The following KAT14 variants were observed in gnomAD, a reference collection of about 807,000 sequenced individuals.
The protein encoded by KAT14 is cysteine-rich protein 2-binding protein.
A neutral mutation model predicts 78.4 loss-of-function variants in KAT14; 66 were observed. The observed-to-expected ratio is 0.84, with a 90% CI of 0.69 to 1.03. The LOEUF (loss-of-function observed/expected upper bound fraction) is 1.03, where lower values mean the gene tolerates loss of function less well. Among genes scored for constraint, KAT14 ranks in the 50% least tolerant of loss-of-function variants. The pLI is 0.00. For synonymous variants in KAT14, 344 were observed against 359.4 expected, an observed-to-expected ratio of 0.96 and a Z score of 0.48; for missense variants, 870 against 972.5, an observed-to-expected ratio of 0.89 and a Z score of 1.40.
intron 5 of KAT14, among the ~76,000 whole-genome samples, chr20:18,159,957 A>T (rs2038358554): frequency 6.6e-6 from 1 of 152,220 alleles, no homozygotes; most frequent in African/African-American, 2.4e-5. Flanking sequence ...TTTGTTGCCC[A>T]GGCTGGAGTG....
chr20:18,161,283 C>T (rs2038411418), intron 5 of KAT14, among the ~76,000 whole-genome samples: 1 of 152,044 alleles, frequency 6.6e-6, no homozygotes, highest in South Asian at 2.1e-4. Flanking sequence ...CCACCACCTC[C>T]CAGGCTCAAA....
chr20:18,182,180 G>A (rs896876703), intron 8 of KAT14, among the ~76,000 whole-genome samples: 11 of 151,428 alleles, frequency 7.3e-5, no homozygotes, highest in Non-Finnish European at 1.3e-4. Flanking sequence ...GGGCTGCAGT[G>A]GTGCAATCTT....
intron 7 of KAT14, 96 bp from the exon 8 acceptor site, chr20:18,181,614 C>T: frequency 6.4e-7 from 1 of 1,553,200 alleles, no homozygotes. Context: ...TGTGATCCGC[C>T]TACCTCAGCT....
Position 18,142,386 on chromosome 20 carries a change from C to G in KAT14, c.-275C>G. ...GAATGTGAAATATCTGTTGGACAGA[C>G]AACACGAGTTTGTGTGTGTGTGTTG... On this transcript the variant is annotated 5_prime_UTR_variant, in exon 2 of 11. Coordinates refer to ENST00000688188, the MANE Select transcript of KAT14 (RefSeq NM_001392073.1). The G allele has an allele frequency of 6.5e-7, 1 of 1,527,694 alleles. No individual in the cohort carries two copies. The highest frequency in any genetic ancestry group is 8.8e-7 in the Non-Finnish European group (1 of 1,140,438). 94.6% of individuals were successfully genotyped at this position (1,527,694 alleles called of 1,614,324 possible). A position where few individuals can be genotyped will look rare whatever the true frequency, so the allele number is the denominator to read the frequency against.
chr20:18,157,438 CTGTT>C (rs913153286), intron 4 of KAT14, among the ~76,000 whole-genome samples: 3 of 152,218 alleles, frequency 2.0e-5, no homozygotes, highest in South Asian at 2.1e-4. Flanking sequence ...GCCCAGACTT[CTGTT>C]TGTTTATTGC....
At chr20:18,184,404 A>G (rs2039378152) in intron 9 of KAT14, among the ~76,000 whole-genome samples, 198 bp from the exon 10 acceptor site, 1 of 150,738 alleles carries the variant, frequency 6.6e-6, no homozygotes, top group Non-Finnish European at 1.5e-5. Flanking sequence ...AGGAAATACT[A>G]TGTAATTTCA....
chr20:18,150,784 T>C (rs2038004554), intron 3 of KAT14, 37 bp from the exon 4 acceptor site: 1 of 1,613,456 alleles, frequency 6.2e-7, no homozygotes. Context: ...TCCCTAACCG[T>C]GCTGTTCTCC....
At chr20:18,170,578 A>T (rs576498410) in intron 7 of KAT14, among the ~76,000 whole-genome samples, 1 of 152,370 alleles carries the variant, frequency 6.6e-6, no homozygotes, top group African/African-American at 2.4e-5. Context: ...TCTGTCGCCC[A>T]GGCTGGAGTG....
chr20:18,154,081 G>A (rs956604346), intron 4 of KAT14, among the ~76,000 whole-genome samples: 1 of 152,142 alleles, frequency 6.6e-6, no homozygotes, highest in Non-Finnish European at 1.5e-5. Flanking sequence ...CTACAGTGCT[G>A]CTCTTCACTT....
chr20:18,177,774 T>A (rs1456011100), intron 7 of KAT14, among the ~76,000 whole-genome samples: 8 of 152,204 alleles, frequency 5.3e-5, no homozygotes, highest in Non-Finnish European at 1.2e-4. Context: ...TAATCTTCCA[T>A]CTGATTTCTT....
chr20:18,151,058 A>T (rs1600220304), intron 4 of KAT14, 116 bp downstream of exon 4: 2 of 1,366,036 alleles, frequency 1.5e-6, no homozygotes, highest in East Asian at 5.0e-5. Flanking sequence ...TTTTTGAGAT[A>T]GAGTCTCCCA....
At chr20:18,138,704 T>C (rs1160404785) in intron 1 of KAT14, among the ~76,000 whole-genome samples, 9 of 152,198 alleles carry the variant, frequency 5.9e-5, no homozygotes, top group Admixed American at 5.9e-4. Context: ...GATTTTTTTT[T>C]TTGGTACTTT....
Position 18,181,697 on chromosome 20 carries a change from T to C in KAT14, c.1669-13T>C. The C allele has an allele frequency of 6.2e-7, 1 of 1,614,088 alleles. No homozygotes were observed. The highest frequency in any genetic ancestry group is 2.2e-5 in the East Asian group (1 of 44,880). On this transcript the variant is annotated splice_polypyrimidine_tract_variant and intron_variant, in intron 7 of 10. Transcript: ENST00000688188. ...GTAATTATTTCTATATAACCAGTGT[T>C]TCTTTCTCATAGACTTCCTTGCCGT...
At position 18,162,919 on chromosome 20, in the gene KAT14, G is replaced by T; in HGVS notation, c.1642G>T (p.Asp548Tyr). 2 of 1,614,134 alleles carry T rather than the reference G, an allele frequency of 1.2e-6. No homozygotes were observed. The highest frequency in any genetic ancestry group is 1.7e-6 in the Non-Finnish European group (2 of 1,180,010). ...GQATYRTTCQ[D>Y]FRILDRYQTS... ...AGCCACGTACAGAACCACCTGTCAG[G>T]ACTTCAGAATCCTTGACCGATACCA... Residue 548 changes from aspartate (D) to tyrosine (Y), a missense_variant, in exon 7 of 11, where the codon GAC becomes TAC. Asp to Tyr is a radical substitution (Grantham distance 160). Transcript: ENST00000688188.
rs190910357 is a variant in KAT14 at position 18,187,788 on chromosome 20, C to G, written c.*329C>G. On this transcript the variant is annotated 3_prime_UTR_variant, in exon 11 of 11. Transcript: ENST00000688188. ...ACCTGATGCTCTTGGAGAGAGATAA[C>G]CTGTCTGTCATAACTTAAAGGATGA... The G allele has an allele frequency of 1.1e-3, 355 of 321,166 alleles. 2 individuals carry two copies. The highest frequency in any genetic ancestry group is 7.3e-3 in the African/African-American group (326 of 44,882). The allele number at this position is 321,166 out of a possible 1,614,324, so 19.9% of individuals were successfully genotyped here.
At chr20:18,174,006 CA>C (rs2038946805) in intron 7 of KAT14, among the ~76,000 whole-genome samples, 1 of 152,200 alleles carries the variant, frequency 6.6e-6, no homozygotes, top group Admixed American at 6.5e-5. Flanking sequence ...TCCTACTGCC[CA>C]TGAATTGACT....
intron 4 of KAT14, among the ~76,000 whole-genome samples, chr20:18,157,362 C>G (rs574097728): frequency 9.2e-5 from 14 of 152,270 alleles, no homozygotes; most frequent in African/African-American, 3.4e-4. Flanking sequence ...ACCACAGGCA[C>G]GTGCCATCAC....
chr20:18,176,329 G>A (rs565538686), intron 7 of KAT14, among the ~76,000 whole-genome samples: 2 of 149,578 alleles, frequency 1.3e-5, no homozygotes, highest in East Asian at 2.0e-4. Context: ...AGTGCCAAGC[G>A]CTATTCTAGC....
In KAT14 at chr20:18,141,023, A is replaced by G. The variant is rs1172115427; in HGVS notation, c.-453-1185A>G. Among the ~76,000 whole-genome samples the G allele has an allele frequency of 1.6e-4, 8 of 48,746 alleles. No individual in the cohort carries two copies. In the Admixed American group the frequency reaches 2.4e-3, roughly 14 times the overall value. The allele number at this position is 48,746 out of a possible 152,430, so 32.0% of individuals were successfully genotyped here. On this transcript the variant is annotated intron_variant, in intron 1 of 10. Coordinates refer to ENST00000688188, the MANE Select transcript of KAT14 (RefSeq NM_001392073.1). ...CAGGCACACACCACCACTCCCTGCA[A>G]TTTTTTTTTTTTTTTTTTTTTTTAT...
Sources: gnomAD v4.1 joint callset for allele counts (sites outside exome capture counted in the v4.1 genomes callset) on GRCh38, gnomAD v4.1.1 for gene constraint, MANE v1.5 for transcripts, NCBI Gene and HGNC (gene_info 2026-07-23, HGNC 2026-07-21) for gene names.